The following CHN2 variants were observed in gnomAD, a reference collection of about 807,000 sequenced individuals.
CHN2 encodes chimerin 2.
In CHN2, 35 loss-of-function variants were observed where a neutral mutation model predicts 56.3. That is an observed-to-expected ratio of 0.62 (90% CI 0.47 to 0.82). The LOEUF is 0.82. Among genes scored for constraint, CHN2 ranks in the 40% least tolerant of loss-of-function variants. The probability of loss-of-function intolerance (pLI) is 0.00; values close to 1 mark genes in which losing one functional copy is unlikely to be tolerated. For synonymous variants in CHN2, 210 were observed against 212.8 expected (o/e 0.99, Z 0.12); for missense variants, 491 against 580.5 (o/e 0.85, Z 1.58).
At chr7:29,153,201 C>T (rs976216410) in intron 2 of CHN2, among the ~76,000 whole-genome samples, 1 of 152,190 alleles carries the variant, frequency 6.6e-6, no homozygotes, top group African/African-American at 2.4e-5. Context: ...ATAAGTGTTA[C>T]ATATCTAGAC....
At chr7:29,312,257 T>G (rs1210103484) in intron 1 of CHN2, among the ~76,000 whole-genome samples, 2 of 152,190 alleles carry the variant, frequency 1.3e-5, no homozygotes, top group African/African-American at 4.8e-5. Flanking sequence ...TTGCTCCACC[T>G]GTTCTCTTGA....
chr7:29,495,467 C>A (rs747740166), intron 7 of CHN2, among the ~76,000 whole-genome samples: 1 of 152,112 alleles, frequency 6.6e-6, no homozygotes, highest in African/African-American at 2.4e-5. Flanking sequence ...TTTAAAATGC[C>A]TTTTTTGGAA....
At chr7:29,326,221 A>G (rs1157822710) in intron 1 of CHN2, among the ~76,000 whole-genome samples, 1 of 152,044 alleles carries the variant, frequency 6.6e-6, no homozygotes, top group African/African-American at 2.4e-5. Flanking sequence ...GCAGTGGCGC[A>G]ATCTCGAATC....
chr7:29,472,291 A>G (rs937544415), intron 6 of CHN2, among the ~76,000 whole-genome samples: 4 of 150,224 alleles, frequency 2.7e-5, no homozygotes, highest in African/African-American at 9.9e-5. Context: ...ACACACACAC[A>G]CACACACGCA....
chr7:29,467,810 T>A (rs1426472874), intron 6 of CHN2, among the ~76,000 whole-genome samples: 1 of 152,126 alleles, frequency 6.6e-6, no homozygotes, highest in Non-Finnish European at 1.5e-5. Context: ...ACCAGTGGCA[T>A]AGGATGGTTG....
At chr7:29,353,736 A>G (rs1798072759) in intron 1 of CHN2, among the ~76,000 whole-genome samples, 1 of 152,220 alleles carries the variant, frequency 6.6e-6, no homozygotes, top group African/African-American at 2.4e-5. Flanking sequence ...TGATGAGAAC[A>G]GAGTTTCCAT....
chr7:29,395,079 C>A (rs950163621), intron 4 of CHN2, among the ~76,000 whole-genome samples: 6 of 152,198 alleles, frequency 3.9e-5, no homozygotes, highest in Admixed American at 6.5e-5. Flanking sequence ...AGGAAACGCA[C>A]ATACACATTT....
chr7:29,287,320 G>C (rs1792232855), intron 1 of CHN2, among the ~76,000 whole-genome samples: 1 of 152,302 alleles, frequency 6.6e-6, no homozygotes, highest in South Asian at 2.1e-4. Flanking sequence ...AGAGAAAGTG[G>C]AGATGGGAGA....
At chr7:29,500,164 C>T (rs899414884) in intron 9 of CHN2, 124 bp downstream of exon 9, 13 of 590,620 alleles carry the variant, frequency 2.2e-5, no homozygotes, top group African/African-American at 3.8e-5. Context: ...CGCATGTGTG[C>T]GCACACACAC....
At chr7:29,356,952 A>G (rs919857401) in intron 2 of CHN2, among the ~76,000 whole-genome samples, 2 of 152,210 alleles carry the variant, frequency 1.3e-5, no homozygotes, top group African/African-American at 4.8e-5. Flanking sequence ...TAACGACCCA[A>G]TAAATATTTG....
At chr7:29,366,916 A>G (rs1799209248) in intron 2 of CHN2, among the ~76,000 whole-genome samples, 1 of 152,086 alleles carries the variant, frequency 6.6e-6, no homozygotes, top group Non-Finnish European at 1.5e-5. Flanking sequence ...CTTCAATTAC[A>G]TTTTTTATTT....
chr7:29,227,639 G>T (rs1464871448), intron 1 of CHN2, among the ~76,000 whole-genome samples: 1 of 152,082 alleles, frequency 6.6e-6, no homozygotes, highest in African/African-American at 2.4e-5. Flanking sequence ...CACCTGCCTG[G>T]GACCCGAGAT....
At chr7:29,457,737 C>A (rs925729702) in intron 6 of CHN2, among the ~76,000 whole-genome samples, 5 of 152,132 alleles carry the variant, frequency 3.3e-5, no homozygotes, top group African/African-American at 1.2e-4. Flanking sequence ...TTGAAAGGGG[C>A]AGCTTTGAAG....
chr7:29,287,126 A>G (rs933892370), intron 1 of CHN2, among the ~76,000 whole-genome samples: 7 of 152,120 alleles, frequency 4.6e-5, no homozygotes, highest in East Asian at 3.9e-4. Flanking sequence ...GGTCTGGCCA[A>G]TCAGAACCTT....
rs74701323 is a variant in CHN2, at chr7:29,441,557, A to T, written c.577-38722A>T. 9.2e-3 allele frequency among the ~76,000 whole-genome samples: 1,400 copies of T among 152,354 alleles called. 24 individuals are homozygous for T. Among genetic ancestry groups the T allele is most frequent in the African/African-American group, 0.032 (1,342 of 41,576 alleles). The stretch of plus-strand genomic sequence containing the variant: ...ATGGAGTAAGATACTTGAAAATCAT[A>T]TATCTGATAAGGCTGTTATATTTCA... On this transcript the variant is annotated intron_variant, in intron 6 of 12. Coordinates refer to ENST00000222792, the MANE Select transcript of CHN2 (RefSeq NM_004067.4).
At chr7:29,378,945 CAG>C (rs1213143124) in intron 3 of CHN2, among the ~76,000 whole-genome samples, 1 of 152,178 alleles carries the variant, frequency 6.6e-6, no homozygotes, top group Non-Finnish European at 1.5e-5. Flanking sequence ...AGCCTGGAGA[CAG>C]AGCGAGACTC....
chr7:29,480,045 A>G, intron 6 of CHN2: 1 of 1,535,008 alleles, frequency 6.5e-7, no homozygotes, highest in East Asian at 2.5e-5. Flanking sequence ...CGGTTCGAAA[A>G]TCCTGACAGC....
chr7:29,382,850 C>G (rs1449288353), intron 3 of CHN2, among the ~76,000 whole-genome samples: 1 of 152,182 alleles, frequency 6.6e-6, no homozygotes, highest in Non-Finnish European at 1.5e-5. Flanking sequence ...AGGCAGAGGA[C>G]ATAACCCCAC....
Position 29,232,304 on chromosome 7 carries a change from G to A in CHN2, c.49+37314G>A, listed in dbSNP as rs932092256. Among the ~76,000 whole-genome samples the A allele has an allele frequency of 2.6e-5, 4 of 151,928 alleles. No individual in the cohort carries two copies. In the East Asian group the frequency reaches 7.7e-4, roughly 29 times the overall value. ...TCTTTCTTTCAGTCTTCCTTTCAAAGCTATTTTAAAAAAATGCATTGTACT... is the reference window on the plus strand; with the variant it reads ...TCTTTCTTTCAGTCTTCCTTTCAAAACTATTTTAAAAAAATGCATTGTACT... On this transcript the variant is annotated intron_variant, in intron 1 of 12. Coordinates refer to ENST00000222792, the MANE Select transcript of CHN2 (RefSeq NM_004067.4).
Sources: gnomAD v4.1 joint callset for allele counts (sites outside exome capture counted in the v4.1 genomes callset) on GRCh38, gnomAD v4.1.1 for gene constraint, MANE v1.5 for transcripts, NCBI Gene and HGNC (gene_info 2026-07-23, HGNC 2026-07-21) for gene names.